Variants in ANO10 observed in about 807,000 individuals in gnomAD.
ANO10 encodes anoctamin-10.
A neutral mutation model predicts 74.7 loss-of-function variants in ANO10; 77 were observed. The ratio of observed to expected loss-of-function variants is 1.03; its 90% CI spans 0.86 to 1.25. ANO10 has a LOEUF of 1.25. Among genes scored for constraint, ANO10 ranks in the 50% most tolerant of loss-of-function variants. ANO10 has a pLI of 0.00. For missense variants in ANO10, 721 were observed against 778.1 expected (o/e 0.93, Z 0.87); for synonymous variants, 279 against 284.9 (o/e 0.98, Z 0.21).
At chr3:43,634,521 T>C (rs546413010) in intron 1 of ANO10, among the ~76,000 whole-genome samples, 1 of 152,260 alleles carries the variant, frequency 6.6e-6, no homozygotes, top group South Asian at 2.1e-4. Flanking sequence ...TATGTGTATG[T>C]ATACTCATGT....
intron 9 of ANO10, among the ~76,000 whole-genome samples, chr3:43,558,720 C>T (rs1175712192): frequency 6.6e-6 from 1 of 152,084 alleles, no homozygotes; most frequent in Non-Finnish European, 1.5e-5. Context: ...AAAATGGACC[C>T]AGAAGAAAGG....
At position 43,415,266 on chromosome 3, in the gene ANO10, C is replaced by T. The variant is rs562366092; in HGVS notation, c.1914+17345G>A. 9.9e-5 allele frequency among the ~76,000 whole-genome samples: 15 copies of T among 151,966 alleles called. No individual in the cohort carries two copies. The East Asian group carries it at 1.2e-3, about 12-fold the overall frequency. On this transcript the variant is annotated intron_variant, in intron 12 of 12. Transcript: ENST00000292246. Reference sequence around the variant, plus strand: ...TGCTGGGATTACAGGTGTAAGCCACCGTGCCCGGCTGTGCCCATTTTACAG... The same window carrying T: ...TGCTGGGATTACAGGTGTAAGCCACTGTGCCCGGCTGTGCCCATTTTACAG...
intron 12 of ANO10, among the ~76,000 whole-genome samples, chr3:43,391,703 G>A (rs770460795): frequency 3.9e-5 from 6 of 152,170 alleles, no homozygotes; most frequent in Non-Finnish European, 8.8e-5. Flanking sequence ...CCTGAGGAGA[G>A]GTCCCATAGT....
At chr3:43,400,014 C>A (rs550326260) in intron 12 of ANO10, among the ~76,000 whole-genome samples, 2 of 152,320 alleles carry the variant, frequency 1.3e-5, no homozygotes, top group African/African-American at 4.8e-5. Context: ...CATCTCCCAA[C>A]AGCTGGCTGT....
intron 4 of ANO10, among the ~76,000 whole-genome samples, chr3:43,588,470 TA>T (rs2081577627): frequency 6.6e-6 from 1 of 151,490 alleles, no homozygotes; most frequent in African/African-American, 2.4e-5. Context: ...AATTTCAACA[TA>T]AAATGTAACA....
chr3:43,407,756 T>C (rs1317487828), intron 12 of ANO10, among the ~76,000 whole-genome samples: 3 of 151,814 alleles, frequency 2.0e-5, no homozygotes, highest in African/African-American at 7.3e-5. Flanking sequence ...GGAGGAGAAA[T>C]TGTCCAGGAG....
At chr3:43,418,975 G>A (rs190668194) in intron 12 of ANO10, among the ~76,000 whole-genome samples, 10 of 152,380 alleles carry the variant, frequency 6.6e-5, no homozygotes, top group Non-Finnish European at 1.3e-4. Flanking sequence ...GATAGAGACT[G>A]GATGGCCCAC....
intron 11 of ANO10, among the ~76,000 whole-genome samples, chr3:43,480,521 T>A (rs2076226626): frequency 6.6e-6 from 1 of 152,124 alleles, no homozygotes; most frequent in South Asian, 2.1e-4. Flanking sequence ...AGGCAATGGG[T>A]AATGTCTTCC....
intron 11 of ANO10, among the ~76,000 whole-genome samples, chr3:43,534,016 A>G (rs1463938913): frequency 6.6e-6 from 1 of 152,228 alleles, no homozygotes; most frequent in Non-Finnish European, 1.5e-5. Flanking sequence ...AGCAAACATA[A>G]GAAACCAATC....
chr3:43,521,653 C>T (rs1041570288), intron 11 of ANO10, among the ~76,000 whole-genome samples: 1 of 152,046 alleles, frequency 6.6e-6, no homozygotes, highest in African/African-American at 2.4e-5. Context: ...GAAGTGTTGA[C>T]GAGAATATGG....
In ANO10 at chr3:43,480,556, A is replaced by C. The variant is rs555216377; in HGVS notation, c.1798-47829T>G. On this transcript the variant is annotated intron_variant, in intron 11 of 12. Coordinates refer to ENST00000292246, the MANE Select transcript of ANO10 (RefSeq NM_018075.5). ...CAAATTTGGAGGGCAGATGGGCATA[A>C]AGATGTCTGCAGATATGCAAGATTC... is the stretch of plus-strand genomic sequence containing the variant. 1.1e-4 allele frequency among the ~76,000 whole-genome samples: 16 copies of C among 152,312 alleles called. No individual in the cohort carries two copies. The East Asian group carries it at 2.1e-3, about 20-fold the overall frequency.
chr3:43,537,915 C>T lies in ANO10; in HGVS notation c.1797+11805G>A, dbSNP rs369076869. On this transcript the variant is annotated intron_variant, in intron 11 of 12. Coordinates refer to ENST00000292246, the MANE Select transcript of ANO10 (RefSeq NM_018075.5). ...AATCCAGTCTTAGCCACATGGCACCCTGGAGGACTACAAAAGAAACTAAAG... is the reference window on the plus strand; with the variant it reads ...AATCCAGTCTTAGCCACATGGCACCTTGGAGGACTACAAAAGAAACTAAAG... 8.5e-5 allele frequency among the ~76,000 whole-genome samples: 13 copies of T among 152,136 alleles called. 1 individual carries two copies. The highest frequency in any genetic ancestry group is 7.7e-4 in the East Asian group (4 of 5,176).
At chr3:43,631,164 C>T (rs2083543853) in intron 1 of ANO10, among the ~76,000 whole-genome samples, 1 of 152,226 alleles carries the variant, frequency 6.6e-6, no homozygotes, top group African/African-American at 2.4e-5. Flanking sequence ...GAATTGTCTG[C>T]ATCTTCATTC....
chr3:43,629,610 G>A (rs563165738), intron 1 of ANO10, among the ~76,000 whole-genome samples: 7 of 152,268 alleles, frequency 4.6e-5, no homozygotes, highest in Admixed American at 2.0e-4. Flanking sequence ...ATTGTACCAG[G>A]GTGGTAGCAG....
intron 1 of ANO10, among the ~76,000 whole-genome samples, chr3:43,644,267 GCTTT>G (rs1354603120): frequency 1.3e-5 from 2 of 152,084 alleles, no homozygotes; most frequent in Non-Finnish European, 1.5e-5. Context: ...TTTTCAGGTG[GCTTT>G]CTATTTGTCC....
At chr3:43,575,415 A>T (rs2080949545) in intron 6 of ANO10, among the ~76,000 whole-genome samples, 1 of 152,164 alleles carries the variant, frequency 6.6e-6, no homozygotes, top group Non-Finnish European at 1.5e-5. Flanking sequence ...ACTGACCTAT[A>T]TTTGAACACC....
At chr3:43,612,418 T>C (rs750890755) in intron 1 of ANO10, among the ~76,000 whole-genome samples, 6 of 152,132 alleles carry the variant, frequency 3.9e-5, no homozygotes, top group Non-Finnish European at 5.9e-5. Flanking sequence ...CTCAGCTTCC[T>C]TCCCAGTTTC....
intron 11 of ANO10, among the ~76,000 whole-genome samples, chr3:43,498,400 G>A (rs1248521568): frequency 6.6e-6 from 1 of 152,220 alleles, no homozygotes; most frequent in African/African-American, 2.4e-5. Context: ...CTGTGTAGTA[G>A]GGCAGATGTG....
chr3:43,674,043 T>C (rs1453139628), intron 1 of ANO10, among the ~76,000 whole-genome samples: 1 of 152,182 alleles, frequency 6.6e-6, no homozygotes, highest in Admixed American at 6.5e-5. Context: ...TCAAGGGTCA[T>C]GACTAATTTT....
Sources: allele counts gnomAD v4.1 joint callset (sites outside exome capture counted in the v4.1 genomes callset), GRCh38; gene constraint gnomAD v4.1.1; transcripts MANE v1.5; gene names NCBI Gene and HGNC (gene_info 2026-07-23, HGNC 2026-07-21).